The following ARFGEF1 variants were observed in gnomAD, a reference collection of about 807,000 sequenced individuals.
ARFGEF1 encodes ARF guanine nucleotide exchange factor 1.
Under a neutral mutation model 231.0 loss-of-function variants are expected in ARFGEF1, and 42 were observed. The observed-to-expected ratio is 0.18, with a 90% CI of 0.14 to 0.24. ARFGEF1 has a LOEUF of 0.24. ARFGEF1 is among the 10% of genes least tolerant of loss of function. The pLI is 1.00. For missense variants in ARFGEF1, 1,345 were observed against 2,192.0 expected, an observed-to-expected ratio of 0.61 and a Z score of 7.72; for synonymous variants, 710 against 732.3, an observed-to-expected ratio of 0.97 and a Z score of 0.49.
At chr8:67,261,925 G>T (rs1046214760) in intron 14 of ARFGEF1, among the ~76,000 whole-genome samples, 8 of 151,418 alleles carry the variant, frequency 5.3e-5, no homozygotes, top group African/African-American at 1.9e-4. Context: ...GAGTAGCTGG[G>T]ATTACAGGCA....
In ARFGEF1 at chr8:67,339,870, G is replaced by C. The variant is rs547099603; in HGVS notation, c.124+3294C>G. The stretch of plus-strand genomic sequence containing the variant: ...TCTGACATAAGAAAATTTGAAAAAC[G>C]TTTTACATTAACTCTGCATCCCTTT... On this transcript the variant is annotated intron_variant, in intron 1 of 38. Transcript: ENST00000262215. 1.5e-3 allele frequency among the ~76,000 whole-genome samples: 208 copies of C among 136,512 alleles called. 3 individuals carry two copies. The highest frequency in any genetic ancestry group is 0.014 in the Admixed American group (175 of 12,152). The allele number at this position is 136,512 out of a possible 152,430, so 89.6% of individuals were successfully genotyped here. A position where few individuals can be genotyped will look rare whatever the true frequency, so the allele number is the denominator to read the frequency against.
chr8:67,232,772 A>T, intron 23 of ARFGEF1, 83 bp downstream of exon 23: 1 of 1,008,902 alleles, frequency 9.9e-7, no homozygotes, highest in Non-Finnish European at 1.5e-6. Flanking sequence ...TTTTGGCAAT[A>T]ATATTTTTCT....
chr8:67,240,109 G>A, intron 20 of ARFGEF1, 53 bp downstream of exon 20: 5 of 1,583,914 alleles, frequency 3.2e-6, no homozygotes, highest in Non-Finnish European at 4.3e-6. Context: ...CTATTGTAAT[G>A]GCATAGGTAA....
chr8:67,326,277 G>A (rs1587324761), intron 1 of ARFGEF1, among the ~76,000 whole-genome samples: 1 of 152,150 alleles, frequency 6.6e-6, no homozygotes, highest in African/African-American at 2.4e-5. Flanking sequence ...TGAAATACAG[G>A]AAAATAACTG....
intron 1 of ARFGEF1, among the ~76,000 whole-genome samples, chr8:67,303,973 T>C (rs1806619432): frequency 2.0e-5 from 3 of 152,296 alleles, no homozygotes; most frequent in Admixed American, 1.3e-4. Context: ...GAACAACTTG[T>C]CCAAAGGCTG....
chr8:67,250,254 G>A (rs1014966281), intron 19 of ARFGEF1, among the ~76,000 whole-genome samples: 15 of 152,176 alleles, frequency 9.9e-5, no homozygotes, highest in African/African-American at 3.6e-4. Flanking sequence ...CTATAAACGG[G>A]TAAGAGGAGT....
chr8:67,291,926 G>A lies in ARFGEF1; in HGVS notation c.837C>T (p.Asp279=), dbSNP rs776616167. The change falls in exon 6 of 39, where the codon GAC becomes GAT. Residue 279 remains aspartate, a synonymous_variant. Coordinates refer to ENST00000262215, the MANE Select transcript of ARFGEF1 (RefSeq NM_006421.5). ...TATCAGATCCATTTTCAGGCTCTGT[G>A]TCATCCTGAAGACTTTTATCTACAT... ...TNDVDKSLQD[D]TEPENGSDIS... 6.2e-7 allele frequency: 1 copy of A among 1,613,770 alleles called. No homozygotes were observed. Among genetic ancestry groups the A allele is most frequent in the African/African-American group, 1.3e-5 (1 of 74,866 alleles).
intron 9 of ARFGEF1, among the ~76,000 whole-genome samples, chr8:67,273,209 C>T (rs1174271603): frequency 6.6e-6 from 1 of 151,890 alleles, no homozygotes; most frequent in Non-Finnish European, 1.5e-5. Context: ...TAGTTTTTGG[C>T]TTAAAATTTT....
At chr8:67,330,221 A>T (rs1026716228) in intron 1 of ARFGEF1, among the ~76,000 whole-genome samples, 1 of 152,168 alleles carries the variant, frequency 6.6e-6, no homozygotes, top group African/African-American at 2.4e-5. Context: ...AAAGAAAATT[A>T]AGAATTGAGA....
intron 5 of ARFGEF1, among the ~76,000 whole-genome samples, chr8:67,179,257 G>A (rs888487176): frequency 6.6e-6 from 1 of 151,328 alleles, no homozygotes; most frequent in Non-Finnish European, 1.5e-5. Flanking sequence ...ATTTTTTTTC[G>A]TTACTATACT....
chr8:67,262,352 G>A (rs975030102), intron 14 of ARFGEF1, among the ~76,000 whole-genome samples: 2 of 151,920 alleles, frequency 1.3e-5, no homozygotes, highest in Admixed American at 6.5e-5. Flanking sequence ...GTAACCTCAT[G>A]ATCAAACTTT....
At chr8:67,208,629 CAAAAA>C (rs1226322166) in intron 34 of ARFGEF1, among the ~76,000 whole-genome samples, 1 of 50,540 alleles carries the variant, frequency 2.0e-5, no homozygotes, top group Non-Finnish European at 4.6e-5. Flanking sequence ...GACTCCATCT[CAAAAA>C]AAAAAAAAAA....
At chr8:67,326,615 A>G (rs1168851868) in intron 1 of ARFGEF1, among the ~76,000 whole-genome samples, 5 of 152,220 alleles carry the variant, frequency 3.3e-5, no homozygotes, top group African/African-American at 1.2e-4. Flanking sequence ...TATTTCTTAT[A>G]TAATACTTAA....
intron 3 of ARFGEF1, among the ~76,000 whole-genome samples, chr8:67,300,922 G>A (rs1022267926): frequency 9.2e-5 from 14 of 151,730 alleles, no homozygotes; most frequent in African/African-American, 3.1e-4. Context: ...GTCGGCAGCA[G>A]GTTAAAAGTA....
At chr8:67,273,991 C>T (rs1805208303) in intron 9 of ARFGEF1, among the ~76,000 whole-genome samples, 1 of 152,116 alleles carries the variant, frequency 6.6e-6, no homozygotes, top group African/African-American at 2.4e-5. Flanking sequence ...GTATTCCCAA[C>T]ATTTAACAAA....
intron 4 of ARFGEF1, among the ~76,000 whole-genome samples, chr8:67,297,800 GTT>G (rs11320985): frequency 7.1e-4 from 101 of 142,356 alleles, no homozygotes; most frequent in East Asian, 1.0e-3. Context: ...TGATCAACCC[GTT>G]TTTTTTTTTT....
Position 67,287,945 on chromosome 8 carries a change from A to G in ARFGEF1, c.1027+10T>C, listed in dbSNP as rs745550732. The G allele has an allele frequency of 6.5e-7, 1 of 1,537,828 alleles. No individual in the cohort carries two copies. Among genetic ancestry groups the G allele is most frequent in the Non-Finnish European group, 8.8e-7 (1 of 1,141,426 alleles). ...GACAGAGTAAAATAATTTTGAATGA[A>G]GTATACTACCTCCAACAACAATGTT... On this transcript the variant is annotated intron_variant, in intron 7 of 38. Transcript: ENST00000262215.
intron 7 of ARFGEF1, among the ~76,000 whole-genome samples, chr8:67,283,218 C>T (rs1272909582): frequency 6.6e-6 from 1 of 152,108 alleles, no homozygotes; most frequent in African/African-American, 2.4e-5. Context: ...AATATTCATA[C>T]ACCTTGATCA....
intron 1 of ARFGEF1, among the ~76,000 whole-genome samples, chr8:67,325,641 G>A (rs1183531741): frequency 2.6e-5 from 4 of 152,084 alleles, no homozygotes; most frequent in African/African-American, 9.7e-5. Context: ...AAAATCTAAG[G>A]ACAGTACCAA....
Sources: gnomAD v4.1 joint callset for allele counts (sites outside exome capture counted in the v4.1 genomes callset) on GRCh38, gnomAD v4.1.1 for gene constraint, MANE v1.5 for transcripts, NCBI Gene and HGNC (gene_info 2026-07-23, HGNC 2026-07-21) for gene names.